RCOR2: variants seen among roughly 807,000 people sequenced by gnomAD.
The protein encoded by RCOR2 is REST corepressor 2.
In RCOR2, 19 loss-of-function variants were observed where a neutral mutation model predicts 58.9. That is an observed-to-expected ratio of 0.32 (90% CI 0.23 to 0.47). The LOEUF (loss-of-function observed/expected upper bound fraction) is 0.47. Among genes scored for constraint, RCOR2 ranks in the 20% least tolerant of loss-of-function variants. RCOR2 has a pLI of 1.00. For missense variants in RCOR2, 590 were observed against 707.9 expected (o/e 0.83, Z 1.89); for synonymous variants, 286 against 278.7 (o/e 1.03, Z -0.26).
chr11:63,923,725 G>T, the RCOR2 span, among the ~76,000 whole-genome samples: 1 of 152,042 alleles, frequency 6.6e-6, no homozygotes, highest in Non-Finnish European at 1.5e-5. Flanking sequence ...CGTGGGCTGT[G>T]GATAGCCCCC....
chr11:63,912,356 C>T lies in RCOR2; in HGVS notation c.1206G>A (p.Glu402=), dbSNP rs202007775. 2.5e-3 allele frequency: 4,039 copies of T among 1,613,768 alleles called. 126 individuals are homozygous for T. In the South Asian group the frequency reaches 0.041, roughly 17 times the overall value. Residue 402 remains glutamate (E), a synonymous_variant, in exon 11 of 12, where the codon GAG becomes GAA. Transcript: ENST00000301459. ...GAPGAPVPME[E]ARRGAPLPAP... ...CTGGCAATGGAGCCCCTCTCCTAGC[C>T]TCCTCCATGGGGACTGGGGCTCCAG...
chr11:63,916,608 G>A lies in RCOR2; in HGVS notation c.-152C>T. ...GGTCAGCGTGGCTAGGGTCCGGCGG[G>A]GTGGGAGCCCACCTGGTAGCCCCAG... On this transcript the variant is annotated 5_prime_UTR_variant, in exon 1 of 12. Coordinates refer to ENST00000301459, the MANE Select transcript of RCOR2 (RefSeq NM_173587.4). 7.5e-7 allele frequency: 1 copy of A among 1,327,674 alleles called. No homozygotes were observed. The highest frequency in any genetic ancestry group is 1.0e-6 in the Non-Finnish European group (1 of 1,004,540). The allele number at this position is 1,327,674 out of a possible 1,614,324, so 82.2% of individuals were successfully genotyped here.
upstream of RCOR2, among the ~76,000 whole-genome samples, chr11:63,921,217 G>A (rs1340053386): frequency 6.6e-6 from 1 of 152,156 alleles, no homozygotes; most frequent in Non-Finnish European, 1.5e-5. Flanking sequence ...AGCCTGCTTG[G>A]TTTCTCCGGA....
upstream of RCOR2, among the ~76,000 whole-genome samples, chr11:63,917,708 C>G (rs1307024471): frequency 6.6e-6 from 1 of 152,158 alleles, no homozygotes; most frequent in East Asian, 1.9e-4. Flanking sequence ...CTGTGGGTCC[C>G]CAAGGGTCGC....
rs776768487 is a variant in RCOR2, at chr11:63,916,297, G to A, written c.127+33C>T. ...CGCCCCACTCCGCTCCCCCCAGGCCGGCGCGCCTTTAACCCTAGGCCACCG... is the reference window on the plus strand; with the variant it reads ...CGCCCCACTCCGCTCCCCCCAGGCCAGCGCGCCTTTAACCCTAGGCCACCG... On this transcript the variant is annotated intron_variant, in intron 1 of 11. Transcript: ENST00000301459. 89 of 1,560,022 alleles carry A rather than the reference G, an allele frequency of 5.7e-5. No homozygotes were observed. The South Asian group carries it at 9.5e-4, about 17-fold the overall frequency.
At position 63,911,831 on chromosome 11, in the gene RCOR2, C is replaced by A; in HGVS notation, c.*34G>T. The A allele has an allele frequency of 6.7e-7, 1 of 1,483,964 alleles. No homozygotes were observed. The highest frequency in any genetic ancestry group is 8.9e-7 in the Non-Finnish European group (1 of 1,129,920). The allele number at this position is 1,483,964 out of a possible 1,614,324, so 91.9% of individuals were successfully genotyped here. A position where few individuals can be genotyped will look rare whatever the true frequency, so the allele number is the denominator to read the frequency against. On this transcript the variant is annotated 3_prime_UTR_variant, in exon 12 of 12. Coordinates refer to ENST00000301459, the MANE Select transcript of RCOR2 (RefSeq NM_173587.4). Reference sequence around the variant, plus strand: ...GCCTGGGGATGGCCAGCAAAGGGGTCCTGGAGCCCGTGGTTGGTGGAGGAC... The same window carrying A: ...GCCTGGGGATGGCCAGCAAAGGGGTACTGGAGCCCGTGGTTGGTGGAGGAC...
At chr11:63,915,357 G>T in intron 2 of RCOR2, 99 bp from the exon 3 acceptor site, 2 of 1,225,328 alleles carry the variant, frequency 1.6e-6, no homozygotes, top group Non-Finnish European at 2.3e-6. Context: ...GAGCCAGGGA[G>T]GTTGAGGCCC....
chr11:63,914,034 T>G lies in RCOR2; in HGVS notation c.811A>C (p.Thr271Pro). The G allele has an allele frequency of 6.2e-7, 1 of 1,613,834 alleles. No homozygotes were observed. The highest frequency in any genetic ancestry group is 1.1e-5 in the South Asian group (1 of 91,086). The change falls in exon 8 of 12, where the codon ACG becomes CCG. Residue 271 changes from threonine (T) to proline (P), a missense_variant. Thr to Pro is a conservative substitution (Grantham distance 38). Around this residue, in one of 3 missense-constraint regions of RCOR2, gnomAD observed 390 missense variants for 478.7 expected, o/e 0.81. Transcript: ENST00000301459. ...AGGTCCGGGCTTCCTGACACTGCCG[T>G]GAGGCCTTCAGGGCTCAGGTACATG... is the stretch of plus-strand genomic sequence containing the variant. ...KGMYLSPEGL[T>P]AVSGSPDLAN... is the part of the protein sequence containing the mutation.
chr11:63,926,491 T>C, the RCOR2 span, among the ~76,000 whole-genome samples: 10 of 147,944 alleles, frequency 6.8e-5, no homozygotes, highest in African/African-American at 2.6e-4. Context: ...CTCTCTCTCT[T>C]TTTTTTTTTT....
intron 3 of RCOR2, 34 bp from the exon 4 acceptor site, chr11:63,914,988 G>A: frequency 6.2e-7 from 1 of 1,613,076 alleles, no homozygotes; most frequent in Non-Finnish European, 8.5e-7. Flanking sequence ...TCTTGGTGAA[G>A]GGGGTTATAG....
intron 1 of RCOR2, among the ~76,000 whole-genome samples, 182 bp from the exon 2 acceptor site, chr11:63,915,793 A>T (rs1171122146): frequency 1.3e-5 from 2 of 152,090 alleles, no homozygotes; most frequent in African/African-American, 4.8e-5. Context: ...AAGGGACTGG[A>T]AGAGGAAAAG....
At chr11:63,924,961 C>T in the RCOR2 span, among the ~76,000 whole-genome samples, 1 of 151,722 alleles carries the variant, frequency 6.6e-6, no homozygotes, top group Non-Finnish European at 1.5e-5. Flanking sequence ...AGCGATTCTC[C>T]TGCCTCAGCC....
chr11:63,914,858 C>A, intron 4 of RCOR2, 42 bp from the exon 5 acceptor site: 1 of 1,608,916 alleles, frequency 6.2e-7, no homozygotes, highest in South Asian at 1.1e-5. Context: ...GCTGCCCCGG[C>A]ACCGTTCCAC....
the RCOR2 span, among the ~76,000 whole-genome samples, chr11:63,926,825 A>G: frequency 1.6e-5 from 2 of 123,794 alleles, no homozygotes; most frequent in African/African-American, 6.1e-5. Flanking sequence ...GTTTGTTTTC[A>G]TTTATTTATT....
intron 2 of RCOR2, 67 bp from the exon 3 acceptor site, chr11:63,915,325 G>T: frequency 7.1e-7 from 1 of 1,415,334 alleles, no homozygotes; most frequent in African/African-American, 1.4e-5. Context: ...TAGACCCATG[G>T]CCAGAGGGCA....
At chr11:63,915,147 C>T in intron 3 of RCOR2, 31 bp downstream of exon 3, 2 of 1,541,442 alleles carry the variant, frequency 1.3e-6, no homozygotes, top group Non-Finnish European at 1.8e-6. Flanking sequence ...TGAACCCAAG[C>T]CCCCACCTCC....
rs1941796300 is a variant in RCOR2 at position 63,912,877 on chromosome 11, G to A, written c.962C>T (p.Pro321Leu). 6.2e-7 allele frequency: 1 copy of A among 1,613,718 alleles called. No homozygotes were observed. The highest frequency in any genetic ancestry group is 1.7e-5 in the Admixed American group (1 of 59,980). Reference sequence around the variant, plus strand: ...CTTAAAGAGCAGCCATACCTCCGGGGGGCGTAGTGGATCAATACCGCCCTC... The same window carrying A: ...CTTAAAGAGCAGCCATACCTCCGGGAGGCGTAGTGGATCAATACCGCCCTC... ...ALEGGIDPLRPPEANTKFNSR... is the reference protein window; with the variant it reads ...ALEGGIDPLRLPEANTKFNSR... Residue 321 changes from proline (P) to leucine (L), a missense_variant, in exon 9 of 12, where the codon CCC becomes CTC. Pro to Leu is a moderately conservative substitution (Grantham distance 98, BLOSUM62 -3). Coordinates refer to ENST00000301459, the MANE Select transcript of RCOR2 (RefSeq NM_173587.4).
rs1565161713 is a variant in RCOR2 at position 63,915,621 on chromosome 11, C to G, written c.128-10G>C. On this transcript the variant is annotated splice_polypyrimidine_tract_variant and intron_variant, in intron 1 of 11. Coordinates refer to ENST00000301459, the MANE Select transcript of RCOR2 (RefSeq NM_173587.4). The stretch of plus-strand genomic sequence containing the variant: ...ACGCGGATCATGCTGTCTGTGGAGC[C>G]AGGGGGAGGCAGTCAGGACTCCAGG... 2.8e-6 allele frequency: 2 copies of G among 707,750 alleles called. No individual in the cohort carries two copies. The highest frequency in any genetic ancestry group is 7.1e-5 in the African/African-American group (2 of 28,184). 43.8% of individuals were successfully genotyped at this position (707,750 alleles called of 1,614,324 possible). A position where few individuals can be genotyped will look rare whatever the true frequency, so the allele number is the denominator to read the frequency against.
the RCOR2 span, among the ~76,000 whole-genome samples, chr11:63,924,960 C>T: frequency 2.0e-5 from 3 of 151,756 alleles, no homozygotes; most frequent in African/African-American, 7.3e-5. Flanking sequence ...AAGCGATTCT[C>T]CTGCCTCAGC....
Sources: gnomAD v4.1 joint callset for allele counts (sites outside exome capture counted in the v4.1 genomes callset) on GRCh38, gnomAD v4.1.1 for gene constraint, gnomAD v4.1.1 regional missense constraint, MANE v1.5 for transcripts, NCBI Gene and HGNC (gene_info 2026-07-23, HGNC 2026-07-21) for gene names.